The following SGCD variants were observed in gnomAD, a reference collection of about 807,000 sequenced individuals.
SGCD encodes the protein sarcoglycan delta.
SGCD carries 18 observed loss-of-function variants against 36.6 expected under a neutral mutation model. The observed-to-expected ratio is 0.49, with a 90% CI of 0.34 to 0.73. SGCD has a LOEUF of 0.73. SGCD is among the 30% of genes least tolerant of loss of function. SGCD has a pLI of 0.01. For synonymous variants in SGCD, 133 were observed against 130.6 expected (o/e 1.02, Z -0.12); for missense variants, 387 against 346.7 (o/e 1.12, Z -0.92).
chr5:156,302,871 C>G (rs1256275847), intron 3 of SGCD, among the ~76,000 whole-genome samples: 1 of 152,170 alleles, frequency 6.6e-6, no homozygotes, highest in African/African-American at 2.4e-5. Context: ...TGAGGTTATA[C>G]AAGCACCACT....
chr5:156,186,461 T>G (rs1033541249), intron 3 of SGCD, among the ~76,000 whole-genome samples: 2 of 152,108 alleles, frequency 1.3e-5, no homozygotes, highest in Non-Finnish European at 1.5e-5. Context: ...TTAGGACACA[T>G]GAGATCATTC....
At position 156,143,573 on chromosome 5, in the gene SGCD, A is replaced by C. The variant is rs568150308; in HGVS notation, c.-44+19554A>C. On this transcript the variant is annotated intron_variant, in intron 3 of 9. Coordinates refer to the SGCD transcript ENST00000517913. ...CTGATCCCTGCAAATCTACAGGGGCAGGGCTGACCAAGGCTTTGGGAGCCC... is the reference window on the plus strand; with the variant it reads ...CTGATCCCTGCAAATCTACAGGGGCCGGGCTGACCAAGGCTTTGGGAGCCC... 3.3e-5 allele frequency among the ~76,000 whole-genome samples: 5 copies of C among 152,296 alleles called. No individual in the cohort carries two copies. The East Asian group carries it at 7.7e-4, about 24-fold the overall frequency.
At chr5:156,532,664 C>T (rs113985602) in intron 4 of SGCD, among the ~76,000 whole-genome samples, 71,983 of 151,872 alleles carry the variant, frequency 0.47, 17,311 homozygotes, top group Non-Finnish European at 0.5. Context: ...GGTTTTACCA[C>T]GTTAGCCAGG....
rs556359289 is a variant in SGCD, at chr5:156,193,611, G to A, written c.-44+69592G>A. Among the ~76,000 whole-genome samples the A allele has an allele frequency of 1.3e-4, 20 of 152,234 alleles. 1 individual carries two copies. In the South Asian group the frequency reaches 4.1e-3, roughly 31 times the overall value. On this transcript the variant is annotated intron_variant, in intron 3 of 9. Transcript: ENST00000517913. ...GGTGTGCCCTGGATGAACAGTGTGA[G>A]GCCTAGCTTCCACGTCTTGTTACAG... is the stretch of plus-strand genomic sequence containing the variant.
At chr5:156,730,382 C>A (rs1755995981) in intron 7 of SGCD, among the ~76,000 whole-genome samples, 1 of 152,084 alleles carries the variant, frequency 6.6e-6, no homozygotes, top group East Asian at 1.9e-4. Flanking sequence ...ATCCTCTCAC[C>A]CTGCCAAAAT....
chr5:156,529,127 G>A (rs182167600), intron 4 of SGCD, among the ~76,000 whole-genome samples: 5 of 152,098 alleles, frequency 3.3e-5, no homozygotes, highest in Admixed American at 1.3e-4. Context: ...AGGGAAGGTA[G>A]CCTTAAGAAA....
intron 7 of SGCD, among the ~76,000 whole-genome samples, chr5:156,745,495 A>T (rs1231525337): frequency 6.6e-6 from 1 of 152,206 alleles, no homozygotes; most frequent in Non-Finnish European, 1.5e-5. Flanking sequence ...GCAGGCTTCA[A>T]ATAATTCCTG....
intron 2 of SGCD, among the ~76,000 whole-genome samples, chr5:156,344,138 T>C (rs1333595121): frequency 6.6e-6 from 1 of 152,194 alleles, no homozygotes; most frequent in Non-Finnish European, 1.5e-5. Context: ...TAATTCTAAA[T>C]TTTTCCTTCG....
At chr5:156,669,991 C>T (rs1215465113) in intron 7 of SGCD, among the ~76,000 whole-genome samples, 8 of 152,112 alleles carry the variant, frequency 5.3e-5, no homozygotes, top group Admixed American at 2.6e-4. Context: ...GAGCTATTAG[C>T]GATGTGCAGT....
At chr5:156,734,603 G>GAAAGGCAGTTTTCA (rs1348777043) in intron 7 of SGCD, among the ~76,000 whole-genome samples, 1 of 151,986 alleles carries the variant, frequency 6.6e-6, no homozygotes, top group African/African-American at 2.4e-5. Context: ...TCTCTAGTCA[G>GAAAGGCAGTTTTCA]AAAGGCAGTT....
chr5:156,611,555 C>G (rs1366433113), intron 6 of SGCD, among the ~76,000 whole-genome samples: 2 of 152,160 alleles, frequency 1.3e-5, no homozygotes, highest in African/African-American at 4.8e-5. Flanking sequence ...TTTGCTTTGA[C>G]TTTTGAAAAT....
At chr5:156,073,233 C>G (rs1403888709) in intron 1 of SGCD, among the ~76,000 whole-genome samples, 1 of 152,164 alleles carries the variant, frequency 6.6e-6, no homozygotes, top group Non-Finnish European at 1.5e-5. Flanking sequence ...AAATGGCTGT[C>G]TTCTGTATCT....
chr5:156,691,241 C>T (rs1754100353), intron 7 of SGCD, among the ~76,000 whole-genome samples: 2 of 134,832 alleles, frequency 1.5e-5, no homozygotes, highest in South Asian at 5.2e-4. Context: ...GAGACCCAAA[C>T]TTCCATTATA....
At chr5:156,466,895 G>A (rs1754744366) in intron 3 of SGCD, among the ~76,000 whole-genome samples, 2 of 151,690 alleles carry the variant, frequency 1.3e-5, no homozygotes, top group Admixed American at 6.6e-5. Context: ...TGAAGAAAGA[G>A]GCCACAAAGA....
At chr5:156,488,111 T>A (rs1476827558) in intron 3 of SGCD, among the ~76,000 whole-genome samples, 3 of 144,896 alleles carry the variant, frequency 2.1e-5, no homozygotes, top group African/African-American at 7.5e-5. Context: ...TTTTTTTTTT[T>A]TTTTTTTTTT....
At chr5:155,894,706 G>C (rs192517409) in intron 1 of SGCD, among the ~76,000 whole-genome samples, 2 of 152,202 alleles carry the variant, frequency 1.3e-5, no homozygotes, top group East Asian at 3.9e-4. Context: ...TAGGTTGGGT[G>C]CTCCTTACGA....
At chr5:156,515,329 A>G (rs536065402) in intron 4 of SGCD, among the ~76,000 whole-genome samples, 4 of 152,228 alleles carry the variant, frequency 2.6e-5, no homozygotes, top group Non-Finnish European at 5.9e-5. Context: ...AAGCAAAACA[A>G]AATATTTAAA....
intron 3 of SGCD, among the ~76,000 whole-genome samples, chr5:156,463,422 A>G (rs1754577258): frequency 6.6e-6 from 1 of 152,162 alleles, no homozygotes; most frequent in Non-Finnish European, 1.5e-5. Flanking sequence ...TTGGCTTTCA[A>G]GCACTGATAA....
chr5:156,731,706 T>G (rs1228794844), intron 7 of SGCD, among the ~76,000 whole-genome samples: 3 of 151,656 alleles, frequency 2.0e-5, no homozygotes, highest in Non-Finnish European at 4.4e-5. Flanking sequence ...TCTAGGTCTG[T>G]GAAGAATGTC....
Sources: gnomAD v4.1 joint callset for allele counts (sites outside exome capture counted in the v4.1 genomes callset) on GRCh38, gnomAD v4.1.1 for gene constraint, MANE v1.5 for transcripts, NCBI Gene and HGNC (gene_info 2026-07-23, HGNC 2026-07-21) for gene names.